FNIP1: variants seen among roughly 807,000 people sequenced by gnomAD.
FNIP1 encodes the protein folliculin interacting protein 1, also known as folliculin-interacting protein 1.
FNIP1 carries 40 observed loss-of-function variants against 124.5 expected under a neutral mutation model. The observed-to-expected ratio is 0.32, with a 90% CI of 0.25 to 0.42. The LOEUF (loss-of-function observed/expected upper bound fraction) is 0.42, where lower values mean the gene tolerates loss of function less well. FNIP1 is among the 10% of genes least tolerant of loss of function. The pLI is 1.00. For synonymous variants in FNIP1, 472 were observed against 470.6 expected (o/e 1.00, Z -0.04); for missense variants, 1,176 against 1,403.7 (o/e 0.84, Z 2.59).
intron 11 of FNIP1, among the ~76,000 whole-genome samples, chr5:131,697,634 T>C (rs1438480983): frequency 1.3e-5 from 2 of 152,026 alleles, no homozygotes; most frequent in Non-Finnish European, 2.9e-5. Flanking sequence ...TAAGATATGA[T>C]GTAAGTGACT....
In FNIP1 at chr5:131,745,288, G is replaced by A. The variant is rs115011684; in HGVS notation, c.93-598C>T. ...AATCCCAGGACTTTGGGAGTTCAAG[G>A]TAGGAGGATCACTTGAGCCCAGGAG... On this transcript the variant is annotated intron_variant, in intron 1 of 17. Coordinates refer to ENST00000510461, the MANE Select transcript of FNIP1 (RefSeq NM_133372.3). Among the ~76,000 whole-genome samples, 1,345 of 152,214 alleles carry A rather than the reference G, an allele frequency of 8.8e-3. 24 individuals are homozygous for A. The highest frequency in any genetic ancestry group is 0.031 in the African/African-American group (1,277 of 41,504).
intron 15 of FNIP1, among the ~76,000 whole-genome samples, chr5:131,655,752 C>CA (rs35443566): frequency 0.73 from 101,426 of 139,764 alleles, 36,400 homozygotes; most frequent in Non-Finnish European, 0.79. Flanking sequence ...ACTAAAAATA[C>CA]AAAAAAAAAA....
At chr5:131,657,195 G>T (rs1014031509) in intron 15 of FNIP1, among the ~76,000 whole-genome samples, 1 of 151,932 alleles carries the variant, frequency 6.6e-6, no homozygotes, top group Non-Finnish European at 1.5e-5. Flanking sequence ...GTAGAGACGG[G>T]TTTTCACTAT....
chr5:131,668,017 A>AAT (rs1399438564), intron 15 of FNIP1, among the ~76,000 whole-genome samples: 1 of 152,232 alleles, frequency 6.6e-6, no homozygotes, highest in East Asian at 1.9e-4. Context: ...TGAAGACTTC[A>AAT]ATACTTCATT....
In FNIP1 at chr5:131,671,537, A is replaced by C; in HGVS notation, c.2907T>G (p.Asp969Glu). ...AAGGTATCTCATCCTCTTCTGCCCA[A>C]TCTTCTTGCTCTCCTCCATAATAAC... ...VSSYYGGEQE[D>E]WAEEDEIPFP... The change falls in exon 14 of 18, where the codon GAT becomes GAG. Residue 969 changes from aspartate (D) to glutamate (E), a missense_variant. This residue lies in a region of FNIP1 where 1,109 missense variants were observed against 1,288.5 expected (regional missense o/e 0.86). Coordinates refer to ENST00000510461, the MANE Select transcript of FNIP1 (RefSeq NM_133372.3). 1 of 1,612,024 alleles carries C rather than the reference A, an allele frequency of 6.2e-7. No individual in the cohort carries two copies. Among genetic ancestry groups the C allele is most frequent in the Non-Finnish European group, 8.5e-7 (1 of 1,179,870 alleles).
chr5:131,703,170 T>C (rs984130595), intron 10 of FNIP1, among the ~76,000 whole-genome samples: 2 of 152,244 alleles, frequency 1.3e-5, no homozygotes, highest in African/African-American at 4.8e-5. Flanking sequence ...GAGTCAACCT[T>C]AATGATTAGT....
At chr5:131,743,390 C>T (rs1217254799) in intron 2 of FNIP1, among the ~76,000 whole-genome samples, 1 of 150,690 alleles carries the variant, frequency 6.6e-6, no homozygotes, top group Admixed American at 6.6e-5. Flanking sequence ...ACTGAGACAC[C>T]GAGAGACAGA....
intron 1 of FNIP1, among the ~76,000 whole-genome samples, chr5:131,771,910 T>C (rs181708588): frequency 1.3e-5 from 2 of 152,310 alleles, no homozygotes; most frequent in Admixed American, 1.3e-4. Flanking sequence ...CCTTGCACTC[T>C]ACTCCCTAGT....
At chr5:131,727,034 C>A (rs2149547598) in intron 3 of FNIP1, among the ~76,000 whole-genome samples, 1 of 152,248 alleles carries the variant, frequency 6.6e-6, no homozygotes, top group African/African-American at 2.4e-5. Flanking sequence ...GATTTCCATT[C>A]TTTTGCATTT....
intron 11 of FNIP1, among the ~76,000 whole-genome samples, chr5:131,681,906 A>G (rs923237036): frequency 5.3e-5 from 8 of 152,172 alleles, no homozygotes; most frequent in African/African-American, 1.7e-4. Context: ...AAACCCATAT[A>G]TCATGGCAGA....
chr5:131,727,444 T>G (rs936530532), intron 3 of FNIP1, among the ~76,000 whole-genome samples: 2 of 152,136 alleles, frequency 1.3e-5, no homozygotes, highest in Admixed American at 1.3e-4. Flanking sequence ...CTTTTTGTTT[T>G]TCTTTAATAT....
At chr5:131,730,204 A>C (rs2149549567) in intron 3 of FNIP1, among the ~76,000 whole-genome samples, 1 of 152,334 alleles carries the variant, frequency 6.6e-6, no homozygotes, top group South Asian at 2.1e-4. Flanking sequence ...CAGTAAATCC[A>C]AGTGGAGTTT....
chr5:131,749,112 C>T (rs1004899465), intron 1 of FNIP1, among the ~76,000 whole-genome samples: 1 of 152,050 alleles, frequency 6.6e-6, no homozygotes, highest in African/African-American at 2.4e-5. Flanking sequence ...AGTGTTACTA[C>T]ACAACAGTTC....
chr5:131,732,099 C>T (rs1770114362), intron 2 of FNIP1, among the ~76,000 whole-genome samples: 1 of 152,196 alleles, frequency 6.6e-6, no homozygotes, highest in East Asian at 1.9e-4. Context: ...ACATCTTTCA[C>T]TGCTCACAAC....
rs374173109 is a variant in FNIP1, at chr5:131,767,714, ATATAG to A, written c.93-23029_93-23025del. 1.1e-4 allele frequency among the ~76,000 whole-genome samples: 16 copies of A among 152,332 alleles called. No individual in the cohort carries two copies. In the East Asian group the frequency reaches 3.1e-3, roughly 29 times the overall value. ...CCATTTTAATGCTGGAAGCCTGTATATATAGTAATCATTTTTCTATCTAAGGAATT... is the reference window on the plus strand; with the variant it reads ...CCATTTTAATGCTGGAAGCCTGTATATAATCATTTTTCTATCTAAGGAATT... On this transcript the variant is annotated intron_variant, in intron 1 of 17. Transcript: ENST00000510461.
At chr5:131,781,056 G>C (rs1171542678) in intron 1 of FNIP1, among the ~76,000 whole-genome samples, 1 of 152,220 alleles carries the variant, frequency 6.6e-6, no homozygotes, top group Non-Finnish European at 1.5e-5. Flanking sequence ...AAGTGAAACA[G>C]CCTTATTGCT....
chr5:131,729,960 C>T (rs533548276), intron 3 of FNIP1, among the ~76,000 whole-genome samples: 16 of 151,366 alleles, frequency 1.1e-4, no homozygotes, highest in African/African-American at 1.2e-4. Context: ...AGGCTGGTCT[C>T]GAACTCCTGA....
intron 6 of FNIP1, among the ~76,000 whole-genome samples, chr5:131,712,880 C>T (rs1769343187): frequency 6.6e-6 from 1 of 152,202 alleles, no homozygotes; most frequent in South Asian, 2.1e-4. Context: ...ATTCTCCCCA[C>T]TGAAACTGCT....
intron 11 of FNIP1, among the ~76,000 whole-genome samples, chr5:131,690,253 T>A (rs2149524630): frequency 6.6e-6 from 1 of 151,796 alleles, no homozygotes; most frequent in African/African-American, 2.4e-5. Flanking sequence ...TAAGATAAAA[T>A]AAAATAAAAG....
Sources: allele counts gnomAD v4.1 joint callset (sites outside exome capture counted in the v4.1 genomes callset), GRCh38; gene constraint gnomAD v4.1.1; regional missense constraint gnomAD v4.1.1; transcripts MANE v1.5; gene names NCBI Gene and HGNC (gene_info 2026-07-23, HGNC 2026-07-21).